Variants in HIP1 observed in about 807,000 individuals in gnomAD.
HIP1 encodes huntingtin interacting protein 1.
A neutral mutation model predicts 147.6 loss-of-function variants in HIP1; 65 were observed. The observed-to-expected ratio is 0.44, with a 90% confidence interval of 0.36 to 0.54. The LOEUF (loss-of-function observed/expected upper bound fraction) is 0.54, where lower values mean the gene tolerates loss of function less well. Among genes scored for constraint, HIP1 ranks in the 20% least tolerant of loss-of-function variants. The probability of loss-of-function intolerance (pLI) is 0.00; values close to 1 mark genes in which losing one functional copy is unlikely to be tolerated. For synonymous variants in HIP1, 479 were observed against 504.0 expected, an observed-to-expected ratio of 0.95 and a Z score of 0.67; for missense variants, 1,061 against 1,299.6, an observed-to-expected ratio of 0.82 and a Z score of 2.82.
intron 5 of HIP1, among the ~76,000 whole-genome samples, chr7:75,582,728 C>T (rs1796105519): frequency 3.3e-5 from 5 of 152,010 alleles, no homozygotes; most frequent in South Asian, 4.1e-4. Context: ...AATTGCTTGA[C>T]GCTGGGAGGC....
At chr7:75,544,631 T>C in intron 27 of HIP1, 64 bp downstream of exon 27, 3 of 993,122 alleles carry the variant, frequency 3.0e-6, no homozygotes, top group East Asian at 2.4e-5. Flanking sequence ...AAGTACTCTT[T>C]AACCTAGCCT....
chr7:75,594,950 T>C (rs1321512750), intron 2 of HIP1, among the ~76,000 whole-genome samples: 1 of 152,204 alleles, frequency 6.6e-6, no homozygotes, highest in Non-Finnish European at 1.5e-5. Flanking sequence ...GACAACTCTG[T>C]GCCCGGAACT....
chr7:75,652,519 G>A (rs1799029464), intron 1 of HIP1, among the ~76,000 whole-genome samples: 1 of 151,830 alleles, frequency 6.6e-6, no homozygotes, highest in South Asian at 2.1e-4. Context: ...GCGTGCCACT[G>A]CTCCTAGCTA....
At chr7:75,588,152 C>T (rs1476156796) in intron 4 of HIP1, among the ~76,000 whole-genome samples, 4 of 152,212 alleles carry the variant, frequency 2.6e-5, no homozygotes, top group Non-Finnish European at 5.9e-5. Flanking sequence ...GCCCTAAACT[C>T]ACAAAACCTT....
At chr7:75,575,018 C>A (rs587668493) in intron 7 of HIP1, among the ~76,000 whole-genome samples, 1 of 151,556 alleles carries the variant, frequency 6.6e-6, no homozygotes, top group East Asian at 1.9e-4. Context: ...ATTAGCCAGG[C>A]GTGATGGCTC....
intron 1 of HIP1, among the ~76,000 whole-genome samples, chr7:75,674,501 T>TTTTCTTTG (rs1799829079): frequency 1.3e-5 from 1 of 74,172 alleles, no homozygotes; most frequent in African/African-American, 4.1e-5. Context: ...GGCTTTTTGT[T>TTTTCTTTG]TTTTTTTTTG....
chr7:75,603,512 C>T (rs1255536870), intron 1 of HIP1, among the ~76,000 whole-genome samples: 9 of 151,958 alleles, frequency 5.9e-5, no homozygotes, highest in African/African-American at 1.9e-4. Flanking sequence ...TCTGGGAGGA[C>T]AAGAATGACA....
At chr7:75,541,565 G>A (rs1200152359) in intron 29 of HIP1, among the ~76,000 whole-genome samples, 2 of 150,934 alleles carry the variant, frequency 1.3e-5, no homozygotes, top group Admixed American at 6.6e-5. Flanking sequence ...GTGTGGTGAC[G>A]CACGTCTGTA....
At chr7:75,547,424 C>T (rs963711810) in intron 24 of HIP1, among the ~76,000 whole-genome samples, 13 of 152,132 alleles carry the variant, frequency 8.5e-5, no homozygotes, top group African/African-American at 1.2e-4. Context: ...TGCACCACCA[C>T]GCCTGGCTAA....
chr7:75,661,000 C>A (rs1799294337), intron 1 of HIP1, among the ~76,000 whole-genome samples: 1 of 152,090 alleles, frequency 6.6e-6, no homozygotes, highest in South Asian at 2.1e-4. Context: ...CACCAAGTAG[C>A]CGGCGTGGTG....
At chr7:75,592,923 T>C (rs1554501089) in intron 2 of HIP1, among the ~76,000 whole-genome samples, 1 of 152,200 alleles carries the variant, frequency 6.6e-6, no homozygotes, top group Non-Finnish European at 1.5e-5. Flanking sequence ...TTGTCCTTTC[T>C]ACGAGAATGC....
At chr7:75,662,247 G>A (rs1318424696) in intron 1 of HIP1, among the ~76,000 whole-genome samples, 4 of 152,084 alleles carry the variant, frequency 2.6e-5, no homozygotes, top group Admixed American at 6.6e-5. Flanking sequence ...ACAGTGGTGC[G>A]ATCACAGCAC....
chr7:75,647,635 C>T (rs1023746707), intron 1 of HIP1, among the ~76,000 whole-genome samples: 5 of 152,158 alleles, frequency 3.3e-5, no homozygotes, highest in Non-Finnish European at 7.3e-5. Flanking sequence ...AAAGTTCTCC[C>T]GGAGCTCTCA....
rs782468348 is a variant in HIP1 at position 75,553,566 on chromosome 7, A to G, written c.2182T>C (p.Tyr728His). The stretch of plus-strand genomic sequence containing the variant: ...AGGTAGGCGAGGGTTTCCCTGCCAT[A>G]CTGCTTACAGGCCTCGGTCAGTGCT... ...ADSLTEACKQ[Y>H]GRETLAYLAS... The change falls in exon 22 of 31, where the codon TAT (tyrosine) becomes CAT (histidine). Residue 728 changes from tyrosine (Y) to histidine (H), a missense_variant. Tyr to His is a moderately conservative substitution (Grantham distance 83). This residue lies in a region of HIP1 where 810 missense variants were observed against 946.8 expected (regional missense o/e 0.86). Coordinates refer to ENST00000336926, the MANE Select transcript of HIP1 (RefSeq NM_005338.7). 42 of 1,613,824 alleles carry G rather than the reference A, an allele frequency of 2.6e-5. No homozygotes were observed. The highest frequency in any genetic ancestry group is 3.4e-5 in the Non-Finnish European group (40 of 1,179,930).
rs200116944 is a variant in HIP1 at position 75,559,861 on chromosome 7, G to A, written c.1246C>T (p.Leu416=). The A allele has an allele frequency of 6.2e-6, 10 of 1,612,366 alleles. No individual in the cohort carries two copies. In the East Asian group the frequency reaches 2.2e-4, roughly 36 times the overall value. ...TGCCGCAGGTGCTGCTGCTCGGCCA[G>A]ATCTGCTTCCAGCTCGCTGACGTGG... ...KGHVSELEAD[L]AEQQHLRQQA... The change falls in exon 14 of 31, where the codon CTG becomes TTG. Residue 416 remains leucine (L), a synonymous_variant. Transcript: ENST00000336926.
At chr7:75,712,747 C>G (rs1355731153) in intron 1 of HIP1, among the ~76,000 whole-genome samples, 1 of 152,194 alleles carries the variant, frequency 6.6e-6, no homozygotes, top group Admixed American at 6.6e-5. Flanking sequence ...TTCAATCCCT[C>G]ATTCACTCTT....
intron 1 of HIP1, chr7:75,611,586 T>C (rs1170801479): frequency 1.3e-6 from 1 of 748,292 alleles, no homozygotes; most frequent in Non-Finnish European, 1.7e-6. Context: ...GGTTCTGAAC[T>C]GTTCCCGCCC....
At chr7:75,624,672 T>G (rs1797972385) in intron 1 of HIP1, among the ~76,000 whole-genome samples, 1 of 152,204 alleles carries the variant, frequency 6.6e-6, no homozygotes, top group Non-Finnish European at 1.5e-5. Context: ...ACTCAAGGCC[T>G]GGAGATCCGG....
chr7:75,581,344 G>T, intron 6 of HIP1, 46 bp from the exon 7 acceptor site: 1 of 1,480,122 alleles, frequency 6.8e-7, no homozygotes, highest in South Asian at 1.2e-5. Flanking sequence ...GCCTGAGGCC[G>T]GTCTGTTACC....
Sources: gnomAD v4.1 joint callset for allele counts (sites outside exome capture counted in the v4.1 genomes callset) on GRCh38, gnomAD v4.1.1 for gene constraint, gnomAD v4.1.1 regional missense constraint, MANE v1.5 for transcripts, NCBI Gene and HGNC (gene_info 2026-07-23, HGNC 2026-07-21) for gene names.